RPL39L: variants seen among roughly 807,000 people sequenced by gnomAD.
The protein encoded by RPL39L is ribosomal protein L39 like.
For synonymous variants in RPL39L, 16 were observed against 20.1 expected, an observed-to-expected ratio of 0.80 and a Z score of 0.55; for missense variants, 48 against 58.9, an observed-to-expected ratio of 0.81 and a Z score of 0.61.
At chr3:187,132,033 G>C (rs573833057) in intron 1 of RPL39L, among the ~76,000 whole-genome samples, 2 of 152,166 alleles carry the variant, frequency 1.3e-5, no homozygotes, top group South Asian at 4.1e-4. Flanking sequence ...TAACGCTTTC[G>C]TCGTCACACC....
intron 2 of RPL39L, 79 bp from the exon 3 acceptor site, chr3:187,121,407 A>G (rs975775200): frequency 2.9e-6 from 4 of 1,393,610 alleles, no homozygotes; most frequent in African/African-American, 2.9e-5. Context: ...AAATAACAAG[A>G]CAAGAAAGAG....
Position 187,121,243 on chromosome 3 carries a change from T to A in RPL39L, c.58A>T (p.Asn20Tyr). The change falls in exon 3 of 3, where the codon AAT (asparagine) becomes TAT (tyrosine). Residue 20 changes from asparagine (N) to tyrosine (Y), a missense_variant. Physicochemically the swap from Asn to Tyr is moderately radical, Grantham distance 143 (BLOSUM62 -2). Transcript: ENST00000296277. Reference protein sequence around the residue: ...KRFLAKKQKQNRPIPQWIQMK... With the variant: ...KRFLAKKQKQYRPIPQWIQMK... ...TGAATCCACTGGGGGATGGGACGATTTTGCTTTTGTTTCTTGGCCAGGAAT... is the reference window on the plus strand; with the variant it reads ...TGAATCCACTGGGGGATGGGACGATATTGCTTTTGTTTCTTGGCCAGGAAT... 1 of 1,613,998 alleles carries A rather than the reference T, an allele frequency of 6.2e-7. No individual in the cohort carries two copies. Among genetic ancestry groups the A allele is most frequent in the Non-Finnish European group, 8.5e-7 (1 of 1,179,888 alleles).
At chr3:187,134,439 A>T (rs1380602753) in intron 1 of RPL39L, among the ~76,000 whole-genome samples, 1 of 148,780 alleles carries the variant, frequency 6.7e-6, no homozygotes, top group East Asian at 2.0e-4. Flanking sequence ...AGAATTATCC[A>T]GCCCAAAATG....
chr3:187,121,353 G>A, intron 2 of RPL39L, 25 bp from the exon 3 acceptor site: 1 of 1,589,306 alleles, frequency 6.3e-7, no homozygotes, highest in Non-Finnish European at 8.6e-7. Flanking sequence ...GGGAGAGAGA[G>A]ACAGAGACAA....
At chr3:187,139,164 G>C (rs1300001884) in intron 1 of RPL39L, 49 bp downstream of exon 1, 2 of 152,580 alleles carry the variant, frequency 1.3e-5, no homozygotes, top group East Asian at 1.9e-4. Context: ...CGCCCTGCTC[G>C]TTGGGCGGAC....
At chr3:187,135,341 G>A (rs572819629) in intron 1 of RPL39L, among the ~76,000 whole-genome samples, 14 of 152,298 alleles carry the variant, frequency 9.2e-5, no homozygotes, top group Admixed American at 3.9e-4. Context: ...CCCACGTGTC[G>A]TGGGAGGAAC....
At chr3:187,134,829 A>G (rs1212653749) in intron 1 of RPL39L, among the ~76,000 whole-genome samples, 3 of 152,230 alleles carry the variant, frequency 2.0e-5, no homozygotes, top group Non-Finnish European at 2.9e-5. Context: ...GCCAGGAGGA[A>G]TGCTTGAGCT....
At chr3:187,123,548 C>T (rs1720348668) in intron 2 of RPL39L, among the ~76,000 whole-genome samples, 1 of 152,140 alleles carries the variant, frequency 6.6e-6, no homozygotes, top group Admixed American at 6.5e-5. Flanking sequence ...TATATTAATT[C>T]CCTCTATACA....
chr3:187,138,717 T>C (rs1357513528), intron 1 of RPL39L, among the ~76,000 whole-genome samples: 4 of 152,106 alleles, frequency 2.6e-5, no homozygotes, highest in African/African-American at 9.7e-5. Flanking sequence ...ATTGTCGATT[T>C]CCTCCTTCTC....
At chr3:187,136,351 G>GACAT (rs1183826122) in intron 1 of RPL39L, among the ~76,000 whole-genome samples, 5 of 152,206 alleles carry the variant, frequency 3.3e-5, no homozygotes, top group Non-Finnish European at 5.9e-5. Flanking sequence ...CCTCCCTGAT[G>GACAT]ACATCTTTCT....
At chr3:187,131,244 G>A (rs1456722929) in intron 1 of RPL39L, among the ~76,000 whole-genome samples, 5 of 152,184 alleles carry the variant, frequency 3.3e-5, no homozygotes, top group African/African-American at 1.2e-4. Flanking sequence ...TTGGGAGGCT[G>A]AGGCAGGCAC....
intron 2 of RPL39L, among the ~76,000 whole-genome samples, chr3:187,126,345 G>A (rs544869298): frequency 1.2e-4 from 18 of 152,006 alleles, no homozygotes; most frequent in African/African-American, 4.3e-4. Context: ...TATATTTTTT[G>A]TAGAGATGGG....
At chr3:187,122,774 C>T (rs1720335380) in intron 2 of RPL39L, among the ~76,000 whole-genome samples, 1 of 152,038 alleles carries the variant, frequency 6.6e-6, no homozygotes, top group Non-Finnish European at 1.5e-5. Context: ...GCACATGATG[C>T]CCCTAACCCC....
At chr3:187,130,852 T>C (rs1720473631) in intron 1 of RPL39L, among the ~76,000 whole-genome samples, 1 of 152,218 alleles carries the variant, frequency 6.6e-6, no homozygotes, top group Admixed American at 6.5e-5. Context: ...GTAGGGCTGT[T>C]CTTACAAGTT....
chr3:187,126,159 G>C (rs574048844), intron 2 of RPL39L, among the ~76,000 whole-genome samples: 9 of 150,914 alleles, frequency 6.0e-5, no homozygotes, highest in African/African-American at 1.9e-4. Flanking sequence ...AACATCTATT[G>C]GTTTCTTTTT....
chr3:187,129,589 G>A (rs1720453204), intron 1 of RPL39L, among the ~76,000 whole-genome samples: 1 of 152,136 alleles, frequency 6.6e-6, no homozygotes, highest in Admixed American at 6.5e-5. Flanking sequence ...AATTATCCAA[G>A]ACTTAGCTGA....
intron 2 of RPL39L, among the ~76,000 whole-genome samples, chr3:187,123,945 GA>G (rs992776430): frequency 3.6e-4 from 55 of 152,136 alleles, no homozygotes; most frequent in Non-Finnish European, 6.9e-4. Flanking sequence ...CTTTTAAAAA[GA>G]AACTCAAAGA....
Position 187,121,017 on chromosome 3 carries a change from C to G in RPL39L, c.*128G>C, listed in dbSNP as rs1579408445. 5.6e-6 allele frequency: 6 copies of G among 1,074,116 alleles called. No homozygotes were observed. Among genetic ancestry groups the G allele is most frequent in the Non-Finnish European group, 8.3e-6 (6 of 725,390 alleles). The allele number at this position is 1,074,116 out of a possible 1,614,324, so 66.5% of individuals were successfully genotyped here. A position where few individuals can be genotyped will look rare whatever the true frequency, so the allele number is the denominator to read the frequency against. Reference sequence around the variant, plus strand: ...TACTAGCACAGAGCATACAGAAAAACAGAAAAAAATATTCCCAGTAAAACA... The same window carrying G: ...TACTAGCACAGAGCATACAGAAAAAGAGAAAAAAATATTCCCAGTAAAACA... On this transcript the variant is annotated 3_prime_UTR_variant, in exon 3 of 3. Coordinates refer to ENST00000296277, the MANE Select transcript of RPL39L (RefSeq NM_052969.3).
At chr3:187,129,802 C>T (rs537316519) in intron 1 of RPL39L, among the ~76,000 whole-genome samples, 1 of 151,308 alleles carries the variant, frequency 6.6e-6, no homozygotes, top group Non-Finnish European at 1.5e-5. Flanking sequence ...TCTGAGTTTT[C>T]CTCCCTACTC....
Sources: gnomAD v4.1 joint callset for allele counts (sites outside exome capture counted in the v4.1 genomes callset) on GRCh38, gnomAD v4.1.1 for gene constraint, MANE v1.5 for transcripts, NCBI Gene and HGNC (gene_info 2026-07-23, HGNC 2026-07-21) for gene names.